The following PHLPP1 variants were observed in gnomAD, a reference collection of about 807,000 sequenced individuals.
The protein encoded by PHLPP1 is PH domain leucine-rich repeat-containing protein phosphatase 1.
In PHLPP1, 42 loss-of-function variants were observed where a neutral mutation model predicts 117.2. The observed-to-expected ratio is 0.36, with a 90% CI of 0.28 to 0.46. The LOEUF is 0.46. Ranked by LOEUF, PHLPP1 falls within the 20% of genes least tolerant of loss-of-function variation. The probability of loss-of-function intolerance (pLI) is 1.00; values close to 1 mark genes in which losing one functional copy is unlikely to be tolerated. For missense variants in PHLPP1, 2,084 were observed against 2,241.9 expected (o/e 0.93, Z 1.42); for synonymous variants, 1,042 against 970.7 (o/e 1.07, Z -1.37).
intron 15 of PHLPP1, 114 bp downstream of exon 15, chr18:62,972,822 G>A: frequency 1.3e-6 from 1 of 778,092 alleles, no homozygotes; most frequent in Non-Finnish European, 2.1e-6. Context: ...TTTTGACTAT[G>A]AGTACCAAGA....
chr18:62,922,474 T>G (rs1909503951), intron 10 of PHLPP1, among the ~76,000 whole-genome samples: 1 of 152,222 alleles, frequency 6.6e-6, no homozygotes, highest in Admixed American at 6.5e-5. Flanking sequence ...AAGCACAGTG[T>G]GCAGAGACAG....
intron 10 of PHLPP1, among the ~76,000 whole-genome samples, chr18:62,926,031 G>T (rs941527247): frequency 6.6e-6 from 1 of 152,178 alleles, no homozygotes; most frequent in Non-Finnish European, 1.5e-5. Context: ...GATATTTCTA[G>T]ATAACATATA....
chr18:62,967,136 C>T lies in PHLPP1; in HGVS notation c.3560+3664C>T, dbSNP rs149005272. On this transcript the variant is annotated intron_variant, in intron 14 of 16. Coordinates refer to ENST00000262719, the MANE Select transcript of PHLPP1 (RefSeq NM_194449.4). The stretch of plus-strand genomic sequence containing the variant: ...GGTTTGTTTTTGTTTTACCCGTTCA[C>T]CATTTGAAGGATGTTTAGATTGTTT... Among the ~76,000 whole-genome samples the T allele has an allele frequency of 6.4e-4, 97 of 152,260 alleles. No individual in the cohort carries two copies. The East Asian group carries it at 0.018, about 28-fold the overall frequency.
At chr18:62,933,881 A>C (rs145253823) in intron 10 of PHLPP1, among the ~76,000 whole-genome samples, 1 of 151,930 alleles carries the variant, frequency 6.6e-6, no homozygotes, top group Non-Finnish European at 1.5e-5. Context: ...AAGAAACTTA[A>C]ATAAGAAAGA....
chr18:62,727,545 G>C (rs992797051), intron 1 of PHLPP1, among the ~76,000 whole-genome samples: 1 of 150,240 alleles, frequency 6.7e-6, no homozygotes, highest in Non-Finnish European at 1.5e-5. Context: ...GAGTCCAGGA[G>C]TTCGAGGCTG....
intron 1 of PHLPP1, among the ~76,000 whole-genome samples, chr18:62,775,629 A>G (rs999893365): frequency 6.6e-6 from 1 of 152,220 alleles, no homozygotes; most frequent in Non-Finnish European, 1.5e-5. Flanking sequence ...CGTATTCTTC[A>G]TGTATTTTTT....
At chr18:62,821,821 G>A (rs550167750) in intron 1 of PHLPP1, among the ~76,000 whole-genome samples, 287 of 150,358 alleles carry the variant, frequency 1.9e-3, no homozygotes, top group African/African-American at 6.5e-3. Context: ...GTGCTGTTTC[G>A]GCTCACTGCA....
chr18:62,876,608 A>G (rs1441243848), intron 4 of PHLPP1, among the ~76,000 whole-genome samples: 1 of 152,212 alleles, frequency 6.6e-6, no homozygotes, highest in Non-Finnish European at 1.5e-5. Flanking sequence ...TGTGATCATA[A>G]AACTTTAGGA....
At chr18:62,873,000 A>AAAG (rs1568145534) in intron 4 of PHLPP1, among the ~76,000 whole-genome samples, 1 of 147,852 alleles carries the variant, frequency 6.8e-6, no homozygotes, top group African/African-American at 2.4e-5. Context: ...AAAAAAAAAA[A>AAAG]AAAAAAAGAA....
rs1480190780 is a variant in PHLPP1 at position 62,978,543 on chromosome 18, C to T, written c.4266C>T (p.Leu1422=). The T allele has an allele frequency of 5.0e-6, 8 of 1,611,756 alleles. No individual in the cohort carries two copies. In the Admixed American group the frequency reaches 1.2e-4, roughly 24 times the overall value. The change falls in exon 17 of 17, where the codon CTC becomes CTT. Residue 1422 remains leucine (L), a synonymous_variant. Coordinates refer to ENST00000262719, the MANE Select transcript of PHLPP1 (RefSeq NM_194449.4). The surrounding 1 kb of genome is among the most constrained non-coding windows in gnomAD (Gnocchi z 7.0). ...HDSISAVVVQ[L]SVTEDSFCCC... ...GCATCAGCGCTGTGGTGGTGCAGCT[C>T]AGTGTCACTGAGGACAGCTTCTGCT...
chr18:62,720,641 G>A (rs1211243528), intron 1 of PHLPP1, among the ~76,000 whole-genome samples: 4 of 151,998 alleles, frequency 2.6e-5, no homozygotes, highest in East Asian at 1.9e-4. Context: ...TGAGTAACGC[G>A]GTTCGAACGT....
chr18:62,728,065 C>T (rs1291286800), intron 1 of PHLPP1, among the ~76,000 whole-genome samples: 3 of 151,942 alleles, frequency 2.0e-5, no homozygotes, highest in Non-Finnish European at 2.9e-5. Flanking sequence ...GGCAGGCGGG[C>T]GGGCAGATCA....
At position 62,744,830 on chromosome 18, in the gene PHLPP1, A is replaced by C. The variant is rs183089926; in HGVS notation, c.1576+27571A>C. On this transcript the variant is annotated intron_variant, in intron 1 of 16. Coordinates refer to ENST00000262719, the MANE Select transcript of PHLPP1 (RefSeq NM_194449.4). The stretch of plus-strand genomic sequence containing the variant: ...ATAAATAATTTGTGTAGATATGCAC[A>C]TGTTTAGCTTAGACATTAGTCACAT... Among the ~76,000 whole-genome samples, 204 of 151,956 alleles carry C rather than the reference A, an allele frequency of 1.3e-3. 1 individual carries two copies. The Middle Eastern group carries it at 0.034, about 25-fold the overall frequency.
At chr18:62,750,853 G>A (rs1296527301) in intron 1 of PHLPP1, among the ~76,000 whole-genome samples, 4 of 152,024 alleles carry the variant, frequency 2.6e-5, no homozygotes, top group Admixed American at 6.6e-5. Flanking sequence ...TGGGTGAAAC[G>A]CCTGGATGGA....
At chr18:62,735,107 C>T (rs1158978614) in intron 1 of PHLPP1, among the ~76,000 whole-genome samples, 7 of 149,480 alleles carry the variant, frequency 4.7e-5, no homozygotes, top group Admixed American at 6.7e-5. Flanking sequence ...TGTAGTGGTG[C>T]GATTTCCACT....
rs184034537 is a variant in PHLPP1 at position 62,914,287 on chromosome 18, G to A, written c.2709-626G>A. 7.2e-5 allele frequency among the ~76,000 whole-genome samples: 11 copies of A among 152,186 alleles called. No homozygotes were observed. In the East Asian group the frequency reaches 1.2e-3, roughly 16 times the overall value. On this transcript the variant is annotated intron_variant, in intron 8 of 16. Transcript: ENST00000262719. Reference sequence around the variant, plus strand: ...AAAACTATGATATGCCATTGACTTCGTGTGTTTTTATGTTCAATATAACAC... The same window carrying A: ...AAAACTATGATATGCCATTGACTTCATGTGTTTTTATGTTCAATATAACAC...
intron 10 of PHLPP1, 78 bp from the exon 11 acceptor site, chr18:62,941,640 C>T: frequency 2.0e-6 from 2 of 977,290 alleles, no homozygotes; most frequent in Non-Finnish European, 1.6e-6. Context: ...TTCTAATATG[C>T]CTGGTATCAA....
intron 1 of PHLPP1, among the ~76,000 whole-genome samples, chr18:62,792,726 G>A (rs1320301285): frequency 6.6e-6 from 1 of 151,898 alleles, no homozygotes; most frequent in Non-Finnish European, 1.5e-5. Context: ...TATTAGCCAG[G>A]TATGGTGGTG....
chr18:62,744,207 G>A (rs1911611746), intron 1 of PHLPP1, among the ~76,000 whole-genome samples: 1 of 152,224 alleles, frequency 6.6e-6, no homozygotes, highest in South Asian at 2.1e-4. Flanking sequence ...AATGCCTCTG[G>A]TGAGTGGTGG....
Sources: gnomAD v4.1 joint callset for allele counts (sites outside exome capture counted in the v4.1 genomes callset) on GRCh38, gnomAD v4.1.1 for gene constraint, Gnocchi (gnomAD v3.1) non-coding constraint, MANE v1.5 for transcripts, NCBI Gene and HGNC (gene_info 2026-07-23, HGNC 2026-07-21) for gene names.